Variants in CEP128 observed in about 807,000 individuals in gnomAD.
CEP128 encodes the protein centrosomal protein 128.
CEP128 carries 132 observed loss-of-function variants against 156.7 expected under a neutral mutation model. The ratio of observed to expected loss-of-function variants is 0.84; its 90% confidence interval spans 0.73 to 0.97. The LOEUF is 0.97. Ranked by LOEUF, CEP128 falls within the 50% of genes least tolerant of loss-of-function variation. The pLI is 0.00. For synonymous variants in CEP128, 469 were observed against 448.9 expected, an observed-to-expected ratio of 1.04 and a Z score of -0.57; for missense variants, 1,252 against 1,281.9, an observed-to-expected ratio of 0.98 and a Z score of 0.36.
intron 19 of CEP128, among the ~76,000 whole-genome samples, chr14:80,717,903 C>T (rs778004542): frequency 5.9e-5 from 9 of 152,178 alleles, no homozygotes; most frequent in Non-Finnish European, 1.3e-4. Flanking sequence ...CAGCCTCGAC[C>T]TCTCAGGCTC....
intron 20 of CEP128, among the ~76,000 whole-genome samples, chr14:80,573,381 G>A (rs1761004187): frequency 6.6e-6 from 1 of 152,172 alleles, no homozygotes; most frequent in South Asian, 2.1e-4. Context: ...CAAGCAGACT[G>A]CTGAGTCTTG....
In CEP128 at chr14:80,587,386, A is replaced by C. The variant is rs1005051438; in HGVS notation, c.2807-6963T>G. Among the ~76,000 whole-genome samples, 60 of 152,170 alleles carry C rather than the reference A, an allele frequency of 3.9e-4. 1 individual carries two copies. The highest frequency in any genetic ancestry group is 1.5e-4 in the Non-Finnish European group (10 of 68,020). The stretch of plus-strand genomic sequence containing the variant: ...ACATGCTGGTCTACAGATGGAGCCC[A>C]ATTGGTCCAATAAATGAAAGGTTTA... On this transcript the variant is annotated intron_variant, in intron 19 of 24. Transcript: ENST00000555265.
chr14:80,949,146 C>T (rs923624100), intron 2 of CEP128, among the ~76,000 whole-genome samples: 1 of 152,124 alleles, frequency 6.6e-6, no homozygotes, highest in African/African-American at 2.4e-5. Flanking sequence ...AAGGCAGCGG[C>T]TATCATACCA....
At chr14:80,675,276 C>A (rs1482668032) in intron 19 of CEP128, among the ~76,000 whole-genome samples, 2 of 151,978 alleles carry the variant, frequency 1.3e-5, no homozygotes, top group Admixed American at 6.5e-5. Context: ...CTTGTACATA[C>A]CACTGTTAGA....
At chr14:80,673,000 G>C (rs559960458) in intron 19 of CEP128, among the ~76,000 whole-genome samples, 1 of 152,186 alleles carries the variant, frequency 6.6e-6, no homozygotes, top group Non-Finnish European at 1.5e-5. Flanking sequence ...CCAACGTTAA[G>C]GAAAGTACGT....
intron 19 of CEP128, among the ~76,000 whole-genome samples, chr14:80,597,563 T>C (rs1250116722): frequency 6.6e-6 from 1 of 151,940 alleles, no homozygotes; most frequent in Non-Finnish European, 1.5e-5. Context: ...ATTTCCCATT[T>C]ATTTTATTTA....
rs1158621567 is a variant in CEP128, at chr14:80,777,897, A to C, written c.2361T>G (p.Asp787Glu). The change falls in exon 16 of 25, where the codon GAT becomes GAG. Residue 787 changes from aspartate (D) to glutamate (E), a missense_variant. By Grantham distance (45) the Asp-to-Glu change is conservative (BLOSUM62 2). Coordinates refer to ENST00000555265, the MANE Select transcript of CEP128 (RefSeq NM_152446.5). ...ATATTTTTACCCTTTCTTCTAGTTG[A>C]TCCTTCAAACATTGATATTTTAGCT... is the stretch of plus-strand genomic sequence containing the variant. ...KLKLKYQCLKDQLEEREKHIS... is the reference protein window; with the variant it reads ...KLKLKYQCLKEQLEEREKHIS... The C allele has an allele frequency of 6.9e-6, 11 of 1,605,814 alleles. No homozygotes were observed. Among genetic ancestry groups the C allele is most frequent in the Non-Finnish European group, 9.4e-6 (11 of 1,174,304 alleles).
At chr14:80,728,913 T>C (rs1474781746) in intron 19 of CEP128, among the ~76,000 whole-genome samples, 2 of 152,184 alleles carry the variant, frequency 1.3e-5, no homozygotes, top group Non-Finnish European at 2.9e-5. Context: ...GTCACTTCCA[T>C]GCTGCCAACG....
intron 2 of CEP128, among the ~76,000 whole-genome samples, chr14:80,936,384 AAGAAAGAG>A (rs1885809897): frequency 6.6e-6 from 1 of 152,150 alleles, no homozygotes; most frequent in Non-Finnish European, 1.5e-5. Flanking sequence ...TTCATCTCAA[AAGAAAGAG>A]AGAAAGAGAG....
chr14:80,668,910 G>C (rs1895733750), intron 19 of CEP128, among the ~76,000 whole-genome samples: 2 of 152,168 alleles, frequency 1.3e-5, no homozygotes, highest in African/African-American at 4.8e-5. Context: ...CCCTGCACAA[G>C]CTCTCTTGCC....
intron 1 of CEP128, among the ~76,000 whole-genome samples, chr14:80,940,664 G>C (rs1886097941): frequency 9.7e-6 from 1 of 103,376 alleles, no homozygotes. Context: ...GGGCGACAGA[G>C]CCAGACTCCT....
intron 23 of CEP128, among the ~76,000 whole-genome samples, chr14:80,505,364 T>C (rs1887924543): frequency 6.6e-6 from 1 of 152,222 alleles, no homozygotes; most frequent in Admixed American, 6.5e-5. Flanking sequence ...ACTCTTATAC[T>C]ATCTAGTGGA....
Position 80,914,337 on chromosome 14 carries a change from C to T in CEP128, c.219G>A (p.Ala73=), listed in dbSNP as rs760246822. The T allele has an allele frequency of 2.4e-5, 38 of 1,613,258 alleles. No individual in the cohort carries two copies. The highest frequency in any genetic ancestry group is 3.0e-5 in the Non-Finnish European group (35 of 1,179,332). The change falls in exon 4 of 25, where the codon GCG becomes GCA. Residue 73 remains alanine (A), a synonymous_variant. Transcript: ENST00000555265. ...AGTTTCTCACATGTTCTATCGCACC[C>T]GCCTGTCCATTACTGTATTCTCGGT... is the stretch of plus-strand genomic sequence containing the variant. The part of the protein sequence containing the change: ...GRYREYSNGQ[A]GAIEHLKESL...
In CEP128 at chr14:80,761,661, G is replaced by A. The variant is rs533406401; in HGVS notation, c.2377-48C>T. ...ACAAGGTGATTACTATTAAGTGGAG[G>A]CAAGAAAATACTTGTAATATCTGTT... On this transcript the variant is annotated intron_variant, in intron 16 of 24. Transcript: ENST00000555265. The A allele has an allele frequency of 2.7e-4, 370 of 1,360,512 alleles. 5 individuals are homozygous for A. The South Asian group carries it at 5.1e-3, about 19-fold the overall frequency. 84.3% of individuals were successfully genotyped at this position (1,360,512 alleles called of 1,614,324 possible).
intron 15 of CEP128, among the ~76,000 whole-genome samples, chr14:80,781,741 A>G (rs1595389604): frequency 6.6e-6 from 1 of 152,214 alleles, no homozygotes; most frequent in Admixed American, 6.5e-5. Context: ...TCTGTTTTCT[A>G]GTATGACATA....
upstream of CEP128, chr14:80,942,388 A>G (rs1331206363): frequency 6.6e-6 from 1 of 152,228 alleles, no homozygotes; most frequent in East Asian, 1.9e-4. Context: ...ACTCTAGAAC[A>G]TAAAAGAAAT....
At chr14:80,589,761 A>C (rs984018275) in intron 19 of CEP128, among the ~76,000 whole-genome samples, 1 of 152,156 alleles carries the variant, frequency 6.6e-6, no homozygotes, top group African/African-American at 2.4e-5. Context: ...GTAATACCCC[A>C]AGGGTAAGAA....
At chr14:80,688,710 CAAT>C (rs1387578646) in intron 19 of CEP128, among the ~76,000 whole-genome samples, 1 of 152,132 alleles carries the variant, frequency 6.6e-6, no homozygotes, top group Non-Finnish European at 1.5e-5. Flanking sequence ...GAAATAATAA[CAAT>C]GTTACCATTC....
In CEP128 at chr14:80,534,078, G is replaced by A. The variant is rs114562537; in HGVS notation, c.2881-3192C>T. On this transcript the variant is annotated intron_variant, in intron 21 of 24. Coordinates refer to ENST00000555265, the MANE Select transcript of CEP128 (RefSeq NM_152446.5). ...AGACAATGAGTCCAATCTTACAGGC[G>A]TCTCAGGTCTCATAATTTCATGATT... is the stretch of plus-strand genomic sequence containing the variant. 8.2e-3 allele frequency among the ~76,000 whole-genome samples: 1,248 copies of A among 152,242 alleles called. 16 individuals are homozygous for A. The highest frequency in any genetic ancestry group is 0.028 in the African/African-American group (1,148 of 41,526).
Sources: allele counts gnomAD v4.1 joint callset (sites outside exome capture counted in the v4.1 genomes callset), GRCh38; gene constraint gnomAD v4.1.1; transcripts MANE v1.5; gene names NCBI Gene and HGNC (gene_info 2026-07-23, HGNC 2026-07-21).